GPATCH2L: variants seen among roughly 807,000 people sequenced by gnomAD.
The protein encoded by GPATCH2L is G patch domain-containing protein 2-like.
A neutral mutation model predicts 57.4 loss-of-function variants in GPATCH2L; 31 were observed. The ratio of observed to expected loss-of-function variants is 0.54; its 90% CI spans 0.41 to 0.73. GPATCH2L has a LOEUF of 0.73. GPATCH2L is among the 30% of genes least tolerant of loss of function. GPATCH2L has a pLI of 0.00. For synonymous variants in GPATCH2L, 199 were observed against 210.7 expected, an observed-to-expected ratio of 0.94 and a Z score of 0.48; for missense variants, 481 against 599.9, an observed-to-expected ratio of 0.80 and a Z score of 2.07.
chr14:76,163,079 G>A (rs886280852), intron 2 of GPATCH2L, among the ~76,000 whole-genome samples: 1 of 152,308 alleles, frequency 6.6e-6, no homozygotes, highest in Admixed American at 6.5e-5. Context: ...TAGTAAATGA[G>A]ATGAGTATCT....
At chr14:76,231,142 A>G (rs1281538192) in intron 2 of GPATCH2L, among the ~76,000 whole-genome samples, 1 of 152,234 alleles carries the variant, frequency 6.6e-6, no homozygotes, top group African/African-American at 2.4e-5. Flanking sequence ...CAATAACAGA[A>G]GCCCGTGAGA....
At chr14:76,215,883 G>A (rs112612843), downstream of GPATCH2L, among the ~76,000 whole-genome samples, 1 of 151,308 alleles carries the variant, frequency 6.6e-6, no homozygotes, top group South Asian at 2.1e-4. Flanking sequence ...TGCACAATGT[G>A]CACATGTACC....
intron 1 of GPATCH2L, among the ~76,000 whole-genome samples, chr14:76,225,997 T>C (rs560199940): frequency 5.3e-5 from 8 of 152,312 alleles, no homozygotes; most frequent in African/African-American, 1.4e-4. Context: ...AACACTCTCA[T>C]AAACTACTGT....
chr14:76,170,682 T>C (rs1479862242), intron 3 of GPATCH2L: 1 of 152,232 alleles, frequency 6.6e-6, no homozygotes, highest in Non-Finnish European at 1.5e-5. Context: ...ATATTCTTTA[T>C]TCACCTTTTA....
intron 8 of GPATCH2L, among the ~76,000 whole-genome samples, chr14:76,188,282 G>GAGGAACC (rs1023795552): frequency 9.9e-5 from 15 of 152,068 alleles, no homozygotes; most frequent in African/African-American, 3.6e-4. Context: ...TAGTTTTTTT[G>GAGGAACC]AGGAACCTCC....
intron 5 of GPATCH2L, 98 bp from the exon 6 acceptor site, chr14:76,176,525 G>A: frequency 1.2e-6 from 1 of 802,064 alleles, no homozygotes. Context: ...GCCTTTTGAG[G>A]TTGCCTTAGC....
chr14:76,230,732 G>A (rs538121711), intron 2 of GPATCH2L, among the ~76,000 whole-genome samples: 71 of 152,298 alleles, frequency 4.7e-4, no homozygotes, highest in African/African-American at 1.6e-3. Context: ...ATTTGCAAGG[G>A]TTATCAACAT....
intron 5 of GPATCH2L, chr14:76,174,812 T>A (rs2039247166): frequency 6.6e-6 from 1 of 152,092 alleles, no homozygotes; most frequent in South Asian, 2.1e-4. Context: ...TTTTTGTATT[T>A]TTAGTACAGA....
intron 5 of GPATCH2L, chr14:76,176,358 A>G: frequency 2.2e-6 from 1 of 444,626 alleles, no homozygotes; most frequent in East Asian, 3.8e-5. Flanking sequence ...ACTTATTAAA[A>G]TACCATATAT....
downstream of GPATCH2L, chr14:76,214,490 A>T (rs2040475117): frequency 6.6e-6 from 1 of 152,224 alleles, no homozygotes; most frequent in African/African-American, 2.4e-5. Context: ...ATGGTTTCAC[A>T]GTCTGGGAAG....
chr14:76,170,105 T>C (rs922592068), intron 3 of GPATCH2L, among the ~76,000 whole-genome samples: 1 of 152,216 alleles, frequency 6.6e-6, no homozygotes, highest in African/African-American at 2.4e-5. Flanking sequence ...GGGAACACTT[T>C]GAGTAACTTT....
At chr14:76,157,541 C>T (rs2038364081) in intron 2 of GPATCH2L, among the ~76,000 whole-genome samples, 1 of 152,116 alleles carries the variant, frequency 6.6e-6, no homozygotes, top group Non-Finnish European at 1.5e-5. Flanking sequence ...ACTGTTTATT[C>T]ACATACAGAT....
At chr14:76,166,553 G>T in intron 2 of GPATCH2L, 110 bp from the exon 3 acceptor site, 1 of 643,048 alleles carries the variant, frequency 1.6e-6, no homozygotes, top group South Asian at 1.9e-5. Flanking sequence ...ATATCTGATT[G>T]ACTAACAGGT....
At chr14:76,233,055 C>G (rs1472605417) in intron 2 of GPATCH2L, among the ~76,000 whole-genome samples, 4 of 152,226 alleles carry the variant, frequency 2.6e-5, no homozygotes, top group Non-Finnish European at 5.9e-5. Context: ...CAGCAGAGTA[C>G]AAAGGCCAGA....
At position 76,211,901 on chromosome 14, in the gene GPATCH2L, C is replaced by T. The variant is rs1321433050; in HGVS notation, c.*10050C>T. 2.0e-5 allele frequency: 3 copies of T among 152,150 alleles called. No individual in the cohort carries two copies. Among genetic ancestry groups the T allele is most frequent in the Admixed American group, 2.0e-4 (3 of 15,264 alleles). 9.4% of individuals were successfully genotyped at this position (152,150 alleles called of 1,614,324 possible). A position where few individuals can be genotyped will look rare whatever the true frequency, so the allele number is the denominator to read the frequency against. On this transcript the variant is annotated 3_prime_UTR_variant, in exon 10 of 10. Coordinates refer to ENST00000261530, the MANE Select transcript of GPATCH2L (RefSeq NM_017926.4). ...GTTTTGGGCCAACATTTTTCCTGAA[C>T]AGCTTCTGACTGACCAGCATTTTAA...
At chr14:76,163,695 A>G (rs1289215091) in intron 2 of GPATCH2L, among the ~76,000 whole-genome samples, 1 of 152,218 alleles carries the variant, frequency 6.6e-6, no homozygotes. Context: ...AGAGTTCACA[A>G]AGCGGGGTCA....
chr14:76,194,243 A>C (rs865853931), intron 8 of GPATCH2L, among the ~76,000 whole-genome samples: 2 of 152,178 alleles, frequency 1.3e-5, no homozygotes, highest in Admixed American at 1.3e-4. Context: ...AGAATTAACT[A>C]TTTGAGCTTT....
chr14:76,233,421 G>A (rs757690412), intron 2 of GPATCH2L, among the ~76,000 whole-genome samples: 13 of 152,056 alleles, frequency 8.5e-5, no homozygotes, highest in Non-Finnish European at 1.8e-4. Flanking sequence ...TTACAAATGA[G>A]GGAAAATACT....
At chr14:76,193,736 A>G (rs967141363) in intron 8 of GPATCH2L, among the ~76,000 whole-genome samples, 4 of 152,152 alleles carry the variant, frequency 2.6e-5, no homozygotes, top group Non-Finnish European at 5.9e-5. Flanking sequence ...GATGTCTAAC[A>G]GTAACATGGT....
Sources: allele counts gnomAD v4.1 joint callset (sites outside exome capture counted in the v4.1 genomes callset), GRCh38; gene constraint gnomAD v4.1.1; transcripts MANE v1.5; gene names NCBI Gene and HGNC (gene_info 2026-07-23, HGNC 2026-07-21).